The following EXTL3 variants were observed in gnomAD, a reference collection of about 807,000 sequenced individuals.
The protein encoded by EXTL3 is exostosin like glycosyltransferase 3, also known as exostosin-like 3.
Under a neutral mutation model 69.3 loss-of-function variants are expected in EXTL3, and 27 were observed. The ratio of observed to expected loss-of-function variants is 0.39; its 90% CI spans 0.29 to 0.54. EXTL3 has a LOEUF of 0.54. Ranked by LOEUF, EXTL3 falls within the 20% of genes least tolerant of loss-of-function variation. The pLI, the probability that EXTL3 is intolerant of heterozygous loss-of-function variation, is 0.69. For missense variants in EXTL3, 1,003 were observed against 1,231.8 expected, an observed-to-expected ratio of 0.81 and a Z score of 2.78; for synonymous variants, 511 against 499.4, an observed-to-expected ratio of 1.02 and a Z score of -0.31.
At chr8:28,736,294 T>C (rs1003981526) in intron 4 of EXTL3, among the ~76,000 whole-genome samples, 5 of 152,226 alleles carry the variant, frequency 3.3e-5, no homozygotes, top group Admixed American at 1.3e-4. Context: ...AGAGGAACTC[T>C]GTTGAAATAA....
intron 1 of EXTL3, among the ~76,000 whole-genome samples, chr8:28,688,042 A>G (rs1800552850): frequency 6.6e-6 from 1 of 151,048 alleles, no homozygotes; most frequent in Admixed American, 6.6e-5. Flanking sequence ...AGAGTGAATG[A>G]CAGTAGAGAA....
At chr8:28,621,115 C>A (rs1056218346), upstream of EXTL3, among the ~76,000 whole-genome samples, 19 of 152,266 alleles carry the variant, frequency 1.2e-4, no homozygotes, top group Admixed American at 1.2e-3. Context: ...CTTTGAATCT[C>A]CAGGTGTGCA....
intron 5 of EXTL3, among the ~76,000 whole-genome samples, chr8:28,739,633 T>C (rs992000002): frequency 3.3e-5 from 5 of 152,162 alleles, no homozygotes; most frequent in Admixed American, 2.0e-4. Flanking sequence ...GCCTGACATA[T>C]AGGGACGTTT....
chr8:28,701,898 G>A (rs1800808654), intron 1 of EXTL3, among the ~76,000 whole-genome samples: 1 of 152,188 alleles, frequency 6.6e-6, no homozygotes, highest in Non-Finnish European at 1.5e-5. Context: ...CCGGCAGCCG[G>A]GAGGGCTAAC....
intron 1 of EXTL3, among the ~76,000 whole-genome samples, chr8:28,662,993 G>C (rs938745473): frequency 6.6e-6 from 1 of 152,146 alleles, no homozygotes; most frequent in African/African-American, 2.4e-5. Context: ...GGAAATAATT[G>C]TATTACCGTA....
At chr8:28,620,350 G>T (rs1476184813), upstream of EXTL3, among the ~76,000 whole-genome samples, 1 of 152,166 alleles carries the variant, frequency 6.6e-6, no homozygotes, top group South Asian at 2.1e-4. Context: ...CTGAGAGAGG[G>T]CTCAGTTCAC....
chr8:28,737,923 T>G (rs1055714481), intron 5 of EXTL3, among the ~76,000 whole-genome samples: 1 of 150,784 alleles, frequency 6.6e-6, no homozygotes, highest in African/African-American at 2.5e-5. Context: ...GCGTTGGCTC[T>G]CCGTTTGTAA....
At chr8:28,709,073 A>G (rs1800979226) in intron 1 of EXTL3, among the ~76,000 whole-genome samples, 1 of 152,190 alleles carries the variant, frequency 6.6e-6, no homozygotes, top group Admixed American at 6.5e-5. Flanking sequence ...TTGAATTAAT[A>G]TAGACAGTGT....
At chr8:28,661,512 TG>T (rs1238967227) in intron 1 of EXTL3, among the ~76,000 whole-genome samples, 6 of 152,016 alleles carry the variant, frequency 3.9e-5, no homozygotes, top group Non-Finnish European at 5.9e-5. Context: ...AATATATATA[TG>T]TTGGGGCGTA....
chr8:28,684,742 A>G (rs1807548859), intron 1 of EXTL3, among the ~76,000 whole-genome samples: 2 of 152,318 alleles, frequency 1.3e-5, no homozygotes, highest in African/African-American at 4.8e-5. Flanking sequence ...ACCCTGCCTC[A>G]GAAAAAATAT....
intron 3 of EXTL3, among the ~76,000 whole-genome samples, chr8:28,727,751 C>T (rs1402914739): frequency 6.6e-6 from 1 of 152,116 alleles, no homozygotes; most frequent in East Asian, 1.9e-4. Context: ...CCCTCTGTAC[C>T]AGTGCTTCTC....
intron 2 of EXTL3, among the ~76,000 whole-genome samples, chr8:28,714,009 C>T (rs553068015): frequency 6.7e-5 from 10 of 148,302 alleles, no homozygotes; most frequent in South Asian, 2.1e-4. Context: ...CGGGTTCAGG[C>T]GATTCTCCTG....
chr8:28,690,175 AT>A (rs1356865988), intron 1 of EXTL3, among the ~76,000 whole-genome samples: 3 of 152,140 alleles, frequency 2.0e-5, no homozygotes, highest in Non-Finnish European at 2.9e-5. Flanking sequence ...AATTTAAAAA[AT>A]ATTCTACACA....
chr8:28,726,200 C>T (rs959384273), intron 3 of EXTL3, among the ~76,000 whole-genome samples: 2 of 152,068 alleles, frequency 1.3e-5, no homozygotes, highest in Non-Finnish European at 2.9e-5. Flanking sequence ...GTGATCCGCC[C>T]GCCTCGGCCT....
intron 1 of EXTL3, among the ~76,000 whole-genome samples, chr8:28,691,619 C>T (rs1001233504): frequency 7.2e-5 from 10 of 138,292 alleles, no homozygotes; most frequent in East Asian, 4.1e-4. Context: ...AGATGTTGGC[C>T]GGGCACGGTG....
At chr8:28,724,663 A>G (rs958356716) in intron 3 of EXTL3, among the ~76,000 whole-genome samples, 3 of 151,954 alleles carry the variant, frequency 2.0e-5, no homozygotes, top group Non-Finnish European at 4.4e-5. Flanking sequence ...AGCCAGGTGC[A>G]GTGGCGGACG....
intron 1 of EXTL3, among the ~76,000 whole-genome samples, chr8:28,635,017 C>T (rs1481905913): frequency 1.3e-5 from 2 of 152,014 alleles, no homozygotes; most frequent in Non-Finnish European, 2.9e-5. Context: ...GCACCCCACA[C>T]GGCTCCTGGA....
intron 1 of EXTL3, among the ~76,000 whole-genome samples, chr8:28,664,802 A>G (rs930827024): frequency 2.0e-5 from 3 of 152,132 alleles, no homozygotes; most frequent in South Asian, 2.1e-4. Flanking sequence ...CTGAAATTTC[A>G]CAAGAATGCA....
chr8:28,629,740 G>A (rs1806545119), intron 1 of EXTL3, among the ~76,000 whole-genome samples: 1 of 152,262 alleles, frequency 6.6e-6, no homozygotes, highest in East Asian at 1.9e-4. Flanking sequence ...CTAAGATGCA[G>A]AAGGACTGGA....
Sources: gnomAD v4.1 joint callset for allele counts (sites outside exome capture counted in the v4.1 genomes callset) on GRCh38, gnomAD v4.1.1 for gene constraint, MANE v1.5 for transcripts, NCBI Gene and HGNC (gene_info 2026-07-23, HGNC 2026-07-21) for gene names.